Variants in GLCCI1 observed in about 807,000 individuals in gnomAD.
The protein encoded by GLCCI1 is glucocorticoid induced 1, also known as glucocorticoid-induced transcript 1 protein.
Under a neutral mutation model 52.2 loss-of-function variants are expected in GLCCI1, and 24 were observed. That is an observed-to-expected ratio of 0.46 (90% CI 0.33 to 0.65). GLCCI1 has a LOEUF of 0.65. Ranked by LOEUF, GLCCI1 falls within the 30% of genes least tolerant of loss-of-function variation. The pLI is 0.02. For missense variants in GLCCI1, 704 were observed against 701.5 expected (o/e 1.00, Z -0.04); for synonymous variants, 310 against 276.5 (o/e 1.12, Z -1.20).
chr7:8,019,680 T>C (rs753393797), intron 2 of GLCCI1, among the ~76,000 whole-genome samples: 8 of 152,228 alleles, frequency 5.3e-5, no homozygotes, highest in Admixed American at 1.3e-4. Context: ...TGAGGCTATG[T>C]GGCATAGCCC....
At position 7,969,590 on chromosome 7, in the gene GLCCI1, C is replaced by T. The variant is rs1188791955; in HGVS notation, c.240C>T (p.Pro80=). 9 of 1,036,390 alleles carry T rather than the reference C, an allele frequency of 8.7e-6. 1 individual carries two copies. The Admixed American group carries it at 2.0e-4, about 23-fold the overall frequency. The allele number at this position is 1,036,390 out of a possible 1,614,324, so 64.2% of individuals were successfully genotyped here. A position where few individuals can be genotyped will look rare whatever the true frequency, so the allele number is the denominator to read the frequency against. Reference sequence around the variant, plus strand: ...TCTTGCGGGGCAGCCAGCACAGTCCCACGCGTCCGCCCGTCGCCGCTGCCG... The same window carrying T: ...TCTTGCGGGGCAGCCAGCACAGTCCTACGCGTCCGCCCGTCGCCGCTGCCG... The part of the protein sequence containing the change: ...YQLLRGSQHS[P]TRPPVAAAAA... Residue 80 remains proline (P), a synonymous_variant, in exon 1 of 8, where the codon CCC becomes CCT. Coordinates refer to ENST00000223145, the MANE Select transcript of GLCCI1 (RefSeq NM_138426.4). The surrounding 1 kb of genome is among the most constrained non-coding windows in gnomAD (Gnocchi z 4.9).
chr7:8,070,546 G>A (rs1453450592), intron 5 of GLCCI1: 1 of 161,078 alleles, frequency 6.2e-6, no homozygotes, highest in East Asian at 1.8e-4. Flanking sequence ...TTACAAGCAA[G>A]TCAAAGTGAT....
chr7:8,001,382 C>A (rs982234817), intron 1 of GLCCI1, among the ~76,000 whole-genome samples: 5 of 152,116 alleles, frequency 3.3e-5, no homozygotes, highest in Admixed American at 6.5e-5. Flanking sequence ...TCTCTTCTGG[C>A]TGCAAATCAA....
At chr7:8,065,914 T>A (rs1339699499) in intron 5 of GLCCI1, among the ~76,000 whole-genome samples, 2 of 152,156 alleles carry the variant, frequency 1.3e-5, no homozygotes, top group Admixed American at 1.3e-4. Context: ...GTTATCCTTA[T>A]AGAATTAGTT....
chr7:7,989,703 G>A (rs7801299), intron 1 of GLCCI1, among the ~76,000 whole-genome samples: 3,383 of 152,154 alleles, frequency 0.022, 59 homozygotes, highest in East Asian at 0.085. Context: ...CAACTGTTTT[G>A]TAAGTAGATA....
chr7:8,067,041 C>G (rs1256542495), intron 5 of GLCCI1, among the ~76,000 whole-genome samples: 2 of 152,124 alleles, frequency 1.3e-5, no homozygotes, highest in Non-Finnish European at 1.5e-5. Context: ...TCTCTGAGAA[C>G]TTGTTTTATG....
rs1782744905 is a variant in GLCCI1 at position 8,070,820 on chromosome 7, C to G, written c.967-101C>G. 17 of 997,580 alleles carry G rather than the reference C, an allele frequency of 1.7e-5. No individual in the cohort carries two copies. In the East Asian group the frequency reaches 4.2e-4, roughly 25 times the overall value. The allele number at this position is 997,580 out of a possible 1,614,324, so 61.8% of individuals were successfully genotyped here. A position where few individuals can be genotyped will look rare whatever the true frequency, so the allele number is the denominator to read the frequency against. On this transcript the variant is annotated intron_variant, in intron 5 of 7. Coordinates refer to ENST00000223145, the MANE Select transcript of GLCCI1 (RefSeq NM_138426.4). ...TTAGCCTTTGAAGAATAAACTGGGT[C>G]AGTAGTGGTGGAATATGAAATCAAG...
intron 6 of GLCCI1, among the ~76,000 whole-genome samples, chr7:8,081,235 T>C (rs1471741790): frequency 2.6e-5 from 4 of 152,170 alleles, no homozygotes; most frequent in Admixed American, 2.6e-4. Context: ...CTCCCCAGAC[T>C]AATTAAATCA....
intron 5 of GLCCI1, among the ~76,000 whole-genome samples, chr7:8,061,388 C>T (rs563061008): frequency 6.6e-6 from 1 of 152,276 alleles, no homozygotes; most frequent in South Asian, 2.1e-4. Context: ...GCGTGAGCCA[C>T]TGCACCCAGC....
At chr7:7,998,937 G>A (rs554731147) in intron 1 of GLCCI1, among the ~76,000 whole-genome samples, 1 of 151,898 alleles carries the variant, frequency 6.6e-6, no homozygotes, top group Admixed American at 6.6e-5. Context: ...TATAATTTCT[G>A]TATTTTTATT....
At chr7:7,980,587 A>G (rs571886327) in intron 1 of GLCCI1, 50 of 644,352 alleles carry the variant, frequency 7.8e-5, no homozygotes, top group African/African-American at 3.3e-4. Flanking sequence ...AGGAGAGTCT[A>G]TTTTTGGCCT....
At chr7:8,025,331 C>T (rs1781592558) in intron 3 of GLCCI1, among the ~76,000 whole-genome samples, 1 of 151,868 alleles carries the variant, frequency 6.6e-6, no homozygotes, top group African/African-American at 2.4e-5. Context: ...CAGAGCGAGA[C>T]TCCATCCCAA....
chr7:8,061,984 T>A (rs115258155), intron 5 of GLCCI1, among the ~76,000 whole-genome samples: 2,004 of 152,202 alleles, frequency 0.013, 43 homozygotes, highest in African/African-American at 0.046. Context: ...GTGTTTTTTT[T>A]ATGCATTAAG....
chr7:8,048,067 G>T (rs1386509774), intron 3 of GLCCI1, among the ~76,000 whole-genome samples: 2 of 152,116 alleles, frequency 1.3e-5, no homozygotes. Flanking sequence ...TTGGAAAAAT[G>T]AGGGAAAAGG....
At chr7:8,085,975 T>C (rs1395199662) in intron 7 of GLCCI1, among the ~76,000 whole-genome samples, 2 of 152,242 alleles carry the variant, frequency 1.3e-5, no homozygotes, top group Non-Finnish European at 2.9e-5. Context: ...CCTGGTTCTT[T>C]TGAAAATCCT....
intron 6 of GLCCI1, among the ~76,000 whole-genome samples, chr7:8,083,532 G>T (rs928813239): frequency 1.3e-5 from 2 of 152,084 alleles, no homozygotes; most frequent in Admixed American, 6.6e-5. Context: ...CATGCAAGAT[G>T]TAGGATAAAT....
chr7:8,021,317 G>A lies in GLCCI1; in HGVS notation c.610-1166G>A, dbSNP rs574644782. 7.2e-5 allele frequency among the ~76,000 whole-genome samples: 11 copies of A among 152,276 alleles called. No individual in the cohort carries two copies. The South Asian group carries it at 2.1e-3, about 29-fold the overall frequency. On this transcript the variant is annotated intron_variant, in intron 2 of 7. Coordinates refer to ENST00000223145, the MANE Select transcript of GLCCI1 (RefSeq NM_138426.4). ...TTTTAAAGCTGTATATAGTTACTGTGACAATCATTGCCCTTTAAGTAGTGG... is the reference window on the plus strand; with the variant it reads ...TTTTAAAGCTGTATATAGTTACTGTAACAATCATTGCCCTTTAAGTAGTGG...
intron 5 of GLCCI1, among the ~76,000 whole-genome samples, chr7:8,069,806 T>G (rs556815549): frequency 6.6e-6 from 1 of 152,290 alleles, no homozygotes; most frequent in East Asian, 1.9e-4. Context: ...TTTCCCCTCT[T>G]GACAGTTTTT....
chr7:8,053,050 T>G (rs904742236), intron 3 of GLCCI1, among the ~76,000 whole-genome samples: 7 of 145,136 alleles, frequency 4.8e-5, no homozygotes, highest in African/African-American at 1.5e-4. Flanking sequence ...ATGCAAATGT[T>G]AACAGTAGTG....
Sources: allele counts gnomAD v4.1 joint callset (sites outside exome capture counted in the v4.1 genomes callset), GRCh38; gene constraint gnomAD v4.1.1; non-coding constraint Gnocchi (gnomAD v3.1); transcripts MANE v1.5; gene names NCBI Gene and HGNC (gene_info 2026-07-23, HGNC 2026-07-21).